The following DROSHA variants were observed in gnomAD, a reference collection of about 807,000 sequenced individuals.
DROSHA encodes ribonuclease 3.
A neutral mutation model predicts 181.9 loss-of-function variants in DROSHA; 56 were observed. The ratio of observed to expected loss-of-function variants is 0.31; its 90% CI spans 0.25 to 0.38. The LOEUF (loss-of-function observed/expected upper bound fraction) is 0.38. DROSHA is among the 10% of genes least tolerant of loss of function. The probability of loss-of-function intolerance (pLI) is 1.00; values close to 1 mark genes in which losing one functional copy is unlikely to be tolerated. For missense variants in DROSHA, 1,218 were observed against 1,743.5 expected (o/e 0.70, Z 5.37); for synonymous variants, 524 against 591.2 (o/e 0.89, Z 1.65).
At chr5:31,412,550 T>G (rs182654940) in intron 30 of DROSHA, among the ~76,000 whole-genome samples, 1 of 152,222 alleles carries the variant, frequency 6.6e-6, no homozygotes, top group South Asian at 2.1e-4. Context: ...AGAAACAATA[T>G]GTTCTTAATT....
chr5:31,424,363 A>T, intron 28 of DROSHA, 64 bp downstream of exon 28: 1 of 1,549,630 alleles, frequency 6.5e-7, no homozygotes, highest in Non-Finnish European at 8.8e-7. Context: ...AAAAAAAGGC[A>T]AAGGAAAGTA....
At chr5:31,473,674 A>G (rs1750017943) in intron 16 of DROSHA, among the ~76,000 whole-genome samples, 1 of 152,238 alleles carries the variant, frequency 6.6e-6, no homozygotes, top group African/African-American at 2.4e-5. Flanking sequence ...CTAGAGTTGT[A>G]TCTAAAAGGA....
chr5:31,459,595 C>G (rs896111105), intron 20 of DROSHA, among the ~76,000 whole-genome samples: 2 of 152,168 alleles, frequency 1.3e-5, no homozygotes, highest in Admixed American at 6.5e-5. Flanking sequence ...ATTCCTCCTT[C>G]CCCCGCTACA....
At chr5:31,523,405 G>A (rs1352258154) in intron 5 of DROSHA, among the ~76,000 whole-genome samples, 4 of 152,240 alleles carry the variant, frequency 2.6e-5, no homozygotes, top group East Asian at 1.9e-4. Flanking sequence ...ACTGAGATCC[G>A]CAATTCACAG....
At chr5:31,472,390 A>G (rs1749837754) in intron 16 of DROSHA, among the ~76,000 whole-genome samples, 158 bp from the exon 17 acceptor site, 1 of 152,246 alleles carries the variant, frequency 6.6e-6, no homozygotes, top group Non-Finnish European at 1.5e-5. Context: ...GGTGCCAAAT[A>G]ATATGAAAGC....
intron 23 of DROSHA, 82 bp from the exon 24 acceptor site, chr5:31,437,380 C>T (rs892165043): frequency 8.7e-7 from 1 of 1,151,388 alleles, no homozygotes; most frequent in Admixed American, 2.7e-5. Flanking sequence ...GAAAAGAACA[C>T]ATGAGGGTTA....
intron 18 of DROSHA, among the ~76,000 whole-genome samples, chr5:31,466,873 G>C (rs539012439): frequency 6.6e-6 from 1 of 152,258 alleles, no homozygotes; most frequent in East Asian, 1.9e-4. Context: ...AGCCAAATAA[G>C]TGATAACCTA....
chr5:31,452,161 T>A (rs1043561858), intron 20 of DROSHA, among the ~76,000 whole-genome samples: 3 of 152,190 alleles, frequency 2.0e-5, no homozygotes, highest in Non-Finnish European at 4.4e-5. Flanking sequence ...ATTCTGAAAC[T>A]TTTTTAGGGT....
chr5:31,517,730 T>A (rs541083437), intron 6 of DROSHA, among the ~76,000 whole-genome samples: 9 of 152,242 alleles, frequency 5.9e-5, no homozygotes, highest in African/African-American at 1.9e-4. Flanking sequence ...TCCTAACTTC[T>A]ATCCCAAGGA....
chr5:31,493,093 A>T (rs1752591480), intron 13 of DROSHA, 114 bp downstream of exon 13: 1 of 1,057,660 alleles, frequency 9.5e-7, no homozygotes, highest in Non-Finnish European at 1.4e-6. Flanking sequence ...ATACAGAGGG[A>T]TGCAGAGGAA....
intron 10 of DROSHA, 43 bp downstream of exon 10, chr5:31,508,578 T>A: frequency 6.2e-7 from 1 of 1,612,964 alleles, no homozygotes; most frequent in Non-Finnish European, 8.5e-7. Flanking sequence ...AACCGTTATG[T>A]CTGGGTTTGC....
At chr5:31,435,965 T>C (rs1304945746) in intron 24 of DROSHA, 101 bp from the exon 25 acceptor site, 1 of 985,014 alleles carries the variant, frequency 1.0e-6, no homozygotes, top group Admixed American at 2.3e-5. Flanking sequence ...AGCTGTGCAA[T>C]GGATATCAGG....
chr5:31,524,144 C>T (rs1438483926), intron 5 of DROSHA, among the ~76,000 whole-genome samples: 1 of 152,192 alleles, frequency 6.6e-6, no homozygotes, highest in Admixed American at 6.5e-5. Context: ...GTCATCCCTA[C>T]AAGTAACACA....
At chr5:31,446,257 T>C (rs1746244939) in intron 23 of DROSHA, among the ~76,000 whole-genome samples, 1 of 151,504 alleles carries the variant, frequency 6.6e-6, no homozygotes, top group African/African-American at 2.4e-5. Flanking sequence ...CCACCCTGGT[T>C]AACACAGTGA....
chr5:31,508,357 C>A (rs1277572993), intron 10 of DROSHA, among the ~76,000 whole-genome samples: 1 of 152,192 alleles, frequency 6.6e-6, no homozygotes, highest in Non-Finnish European at 1.5e-5. Flanking sequence ...CTCCTTCCAT[C>A]TACTGCAATT....
chr5:31,515,617 T>G (rs1739195706), intron 6 of DROSHA, 53 bp from the exon 7 acceptor site: 2 of 1,546,426 alleles, frequency 1.3e-6, no homozygotes, highest in Non-Finnish European at 1.7e-6. Context: ...ATATGGACAA[T>G]TTCAGCAATG....
intron 8 of DROSHA, among the ~76,000 whole-genome samples, chr5:31,512,754 G>C (rs60147066): frequency 0.021 from 3,172 of 152,288 alleles, 165 homozygotes; most frequent in East Asian, 0.21. Context: ...GACCACCATT[G>C]CTGGCTTCGA....
chr5:31,439,353 C>T (rs1434037077), intron 23 of DROSHA, among the ~76,000 whole-genome samples: 1 of 152,146 alleles, frequency 6.6e-6, no homozygotes, highest in East Asian at 1.9e-4. Context: ...ACTTAGTAGC[C>T]ATGTGGGCTA....
intron 21 of DROSHA, among the ~76,000 whole-genome samples, chr5:31,450,369 C>T (rs891237482): frequency 1.3e-5 from 2 of 152,172 alleles, no homozygotes; most frequent in African/African-American, 4.8e-5. Flanking sequence ...ATCAAAAAGA[C>T]ACCTGCACTT....
Sources: gnomAD v4.1 joint callset for allele counts (sites outside exome capture counted in the v4.1 genomes callset) on GRCh38, gnomAD v4.1.1 for gene constraint, MANE v1.5 for transcripts, NCBI Gene and HGNC (gene_info 2026-07-23, HGNC 2026-07-21) for gene names.